Variants in WDFY3 observed in about 807,000 individuals in gnomAD.
WDFY3 encodes the protein WD repeat and FYVE domain-containing protein 3.
A neutral mutation model predicts 409.6 loss-of-function variants in WDFY3; 66 were observed. The ratio of observed to expected loss-of-function variants is 0.16; its 90% CI spans 0.13 to 0.20. The LOEUF (loss-of-function observed/expected upper bound fraction) is 0.20, where lower values mean the gene tolerates loss of function less well. WDFY3 is among the 10% of genes least tolerant of loss of function. The pLI is 1.00. For missense variants in WDFY3, 3,031 were observed against 4,298.1 expected (o/e 0.71, Z 8.24); for synonymous variants, 1,521 against 1,537.1 (o/e 0.99, Z 0.25).
At chr4:84,798,836 C>T (rs1031347392) in intron 17 of WDFY3, among the ~76,000 whole-genome samples, 1 of 152,114 alleles carries the variant, frequency 6.6e-6, no homozygotes, top group African/African-American at 2.4e-5. Flanking sequence ...TCTCACAGAA[C>T]TTAAATCTAC....
intron 11 of WDFY3, 125 bp downstream of exon 11, chr4:84,820,959 T>C (rs1753968211): frequency 1.0e-6 from 1 of 977,550 alleles, no homozygotes; most frequent in Non-Finnish European, 1.5e-6. Flanking sequence ...AGTTCACTAA[T>C]ATGTCACAAT....
At chr4:84,801,885 C>T (rs774349133) in intron 16 of WDFY3, 21 bp from the exon 17 acceptor site, 2 of 1,606,706 alleles carry the variant, frequency 1.2e-6, no homozygotes, top group Non-Finnish European at 1.7e-6. Flanking sequence ...CAAAGAAATC[C>T]ACACAGTCAG....
In WDFY3 at chr4:84,781,370, T is replaced by G. The variant is rs182336138; in HGVS notation, c.4175-1072A>C. 7.2e-5 allele frequency among the ~76,000 whole-genome samples: 11 copies of G among 151,920 alleles called. No individual in the cohort carries two copies. The East Asian group carries it at 2.1e-3, about 29-fold the overall frequency. ...ATGTGCTCTGCAGTATTCACAATAC[T>G]TTCTTTCCTTCTTTCCCTTTTGTTT... is the stretch of plus-strand genomic sequence containing the variant. On this transcript the variant is annotated intron_variant, in intron 25 of 67. Coordinates refer to ENST00000295888, the MANE Select transcript of WDFY3 (RefSeq NM_014991.6).
chr4:84,678,246 C>T lies in WDFY3; in HGVS notation c.10181G>A (p.Ser3394Asn). 10 of 1,614,094 alleles carry T rather than the reference C, an allele frequency of 6.2e-6. No homozygotes were observed. The highest frequency in any genetic ancestry group is 7.6e-6 in the Non-Finnish European group (9 of 1,179,996). ...YRWERQLVFRSKLTMHTAFDR... is the reference protein window; with the variant it reads ...YRWERQLVFRNKLTMHTAFDR... The stretch of plus-strand genomic sequence containing the variant: ...AAAGGCTGTGTGCATAGTCAGCTTA[C>T]TCCTGAACACCAGCTGCCGTTCCCA... The change falls in exon 66 of 68, where the codon AGT becomes AAT. Residue 3394 changes from serine (S) to asparagine (N), a missense_variant. Transcript: ENST00000295888.
At position 84,966,605 on chromosome 4, in the gene WDFY3, G is replaced by A. The variant is rs1775795963; in HGVS notation, c.-622C>T. 6.6e-6 allele frequency among the ~76,000 whole-genome samples: 1 copy of A among 152,020 alleles called. No individual in the cohort carries two copies. Among genetic ancestry groups the A allele is most frequent in the Admixed American group, 6.5e-5 (1 of 15,276 alleles). Reference sequence around the variant, plus strand: ...CCGCAGGGACCATCCCGGAAAGTGAGGGGTTGTTGCCGTTTCCCGCAGCTG... The same window carrying A: ...CCGCAGGGACCATCCCGGAAAGTGAAGGGTTGTTGCCGTTTCCCGCAGCTG... On this transcript the variant is annotated 5_prime_UTR_variant, in exon 1 of 68. Transcript: ENST00000295888.
At chr4:84,796,250 A>C (rs1749421723) in intron 19 of WDFY3, among the ~76,000 whole-genome samples, 2 of 151,920 alleles carry the variant, frequency 1.3e-5, no homozygotes, top group African/African-American at 4.8e-5. Flanking sequence ...AAAAAAAAAA[A>C]AAATTTGCAA....
chr4:84,839,175 T>C (rs1756992687), intron 6 of WDFY3, among the ~76,000 whole-genome samples: 1 of 152,188 alleles, frequency 6.6e-6, no homozygotes, highest in Admixed American at 6.5e-5. Context: ...ATTAGGTTTT[T>C]ATAGAAAATA....
In WDFY3 at chr4:84,829,171, T is replaced by C; in HGVS notation, c.789A>G (p.Thr263=). The change falls in exon 9 of 68, where the codon ACA becomes ACG. Residue 263 remains threonine (T), a synonymous_variant. Coordinates refer to ENST00000295888, the MANE Select transcript of WDFY3 (RefSeq NM_014991.6). ...CTGATTGCTGCATATTCTGAACACA[T>C]GTAGATAAACACTCTTTCTCTGTAA... ...KYIHEKECLS[T]CVQNMQQSDD... The C allele has an allele frequency of 6.3e-7, 1 of 1,594,008 alleles. No homozygotes were observed. Among genetic ancestry groups the C allele is most frequent in the Non-Finnish European group, 8.6e-7 (1 of 1,168,794 alleles).
intron 53 of WDFY3, among the ~76,000 whole-genome samples, chr4:84,708,047 C>A (rs1732270202): frequency 6.6e-6 from 1 of 152,130 alleles, no homozygotes; most frequent in Non-Finnish European, 1.5e-5. Flanking sequence ...GTTTGTTTAC[C>A]TAGGGCTAAG....
At chr4:84,959,016 ATAAT>A (rs1308774776) in intron 1 of WDFY3, among the ~76,000 whole-genome samples, 2 of 152,348 alleles carry the variant, frequency 1.3e-5, no homozygotes, top group East Asian at 3.9e-4. Context: ...ATGTATTATA[ATAAT>A]TGACAATTAT....
intron 17 of WDFY3, among the ~76,000 whole-genome samples, chr4:84,799,008 A>G (rs1031322579): frequency 6.6e-6 from 1 of 152,194 alleles, no homozygotes; most frequent in Non-Finnish European, 1.5e-5. Flanking sequence ...TACTTAAGAC[A>G]TACATAAAAC....
intron 36 of WDFY3, among the ~76,000 whole-genome samples, chr4:84,746,127 G>A (rs1739400910): frequency 7.2e-6 from 1 of 139,712 alleles, no homozygotes; most frequent in South Asian, 2.3e-4. Context: ...GGGGAACATG[G>A]CAAAACCCTG....
intron 53 of WDFY3, among the ~76,000 whole-genome samples, chr4:84,706,800 C>T (rs914680886): frequency 3.9e-5 from 6 of 151,982 alleles, no homozygotes; most frequent in African/African-American, 1.5e-4. Context: ...TGGGGTGCCC[C>T]ACGATAGCAG....
chr4:84,874,666 T>C (rs1762536226), intron 3 of WDFY3, among the ~76,000 whole-genome samples: 1 of 152,074 alleles, frequency 6.6e-6, no homozygotes, highest in African/African-American at 2.4e-5. Flanking sequence ...TTCCAAGTAG[T>C]CTAAAACTCA....
intron 41 of WDFY3, 112 bp from the exon 42 acceptor site, chr4:84,736,439 C>T: frequency 2.0e-6 from 2 of 984,630 alleles, no homozygotes; most frequent in Admixed American, 3.6e-5. Flanking sequence ...AAAAGTAGCA[C>T]ATATTACAGA....
intron 2 of WDFY3, among the ~76,000 whole-genome samples, chr4:84,914,397 G>A (rs1394558997): frequency 6.6e-6 from 1 of 152,120 alleles, no homozygotes; most frequent in Non-Finnish European, 1.5e-5. Flanking sequence ...CCGGGCAACA[G>A]TGTGAGACTC....
chr4:84,920,056 A>T (rs1201366831), intron 2 of WDFY3, among the ~76,000 whole-genome samples: 2 of 152,208 alleles, frequency 1.3e-5, no homozygotes, highest in African/African-American at 4.8e-5. Flanking sequence ...GGAACAAAAA[A>T]TAAGAAAACG....
At chr4:84,854,422 G>A (rs1759464551) in intron 4 of WDFY3, among the ~76,000 whole-genome samples, 1 of 152,178 alleles carries the variant, frequency 6.6e-6, no homozygotes, top group Admixed American at 6.5e-5. Flanking sequence ...TTTGGTGATT[G>A]ACTTCAACAA....
rs1725607821 is a variant in WDFY3, at chr4:84,672,720, A to G, written c.*148T>C. 2 of 1,180,250 alleles carry G rather than the reference A, an allele frequency of 1.7e-6. No individual in the cohort carries two copies. Among genetic ancestry groups the G allele is most frequent in the Non-Finnish European group, 2.4e-6 (2 of 843,522 alleles). The allele number at this position is 1,180,250 out of a possible 1,614,324, so 73.1% of individuals were successfully genotyped here. ...CATTCCTGTACTCTACACCCGTTTT[A>G]TTCAATGATCCCTTTGAATTTTAAC... On this transcript the variant is annotated 3_prime_UTR_variant, in exon 68 of 68. Transcript: ENST00000295888.
Sources: allele counts gnomAD v4.1 joint callset (sites outside exome capture counted in the v4.1 genomes callset), GRCh38; gene constraint gnomAD v4.1.1; transcripts MANE v1.5; gene names NCBI Gene and HGNC (gene_info 2026-07-23, HGNC 2026-07-21).